The following HAPLN1 variants were observed in gnomAD, a reference collection of about 807,000 sequenced individuals.
The protein encoded by HAPLN1 is hyaluronan and proteoglycan link protein 1.
In HAPLN1, 13 loss-of-function variants were observed where a neutral mutation model predicts 36.5. The observed-to-expected ratio is 0.36, with a 90% CI of 0.23 to 0.57. HAPLN1 has a LOEUF of 0.57. Ranked by LOEUF, HAPLN1 falls within the 20% of genes least tolerant of loss-of-function variation. The pLI, the probability that HAPLN1 is intolerant of heterozygous loss-of-function variation, is 0.83. For synonymous variants in HAPLN1, 202 were observed against 169.8 expected, an observed-to-expected ratio of 1.19 and a Z score of -1.48; for missense variants, 407 against 439.7, an observed-to-expected ratio of 0.93 and a Z score of 0.66.
At chr5:83,681,492 CATTTT>C (rs1369012272) in intron 1 of HAPLN1, among the ~76,000 whole-genome samples, 1 of 151,952 alleles carries the variant, frequency 6.6e-6, no homozygotes, top group Non-Finnish European at 1.5e-5. Flanking sequence ...TTTTTTACAT[CATTTT>C]ATTTTAATTA....
At chr5:83,700,286 C>CT in intron 1 of HAPLN1, among the ~76,000 whole-genome samples, 1 of 151,460 alleles carries the variant, frequency 6.6e-6, no homozygotes, top group African/African-American at 2.4e-5. Context: ...AAAGACTTTT[C>CT]TTTTTAAAAG....
Position 83,652,542 on chromosome 5 carries a change from T to A in HAPLN1, c.383A>T (p.Asp128Val). 6.2e-7 allele frequency: 1 copy of A among 1,614,156 alleles called. No individual in the cohort carries two copies. Among genetic ancestry groups the A allele is most frequent in the Non-Finnish European group, 8.5e-7 (1 of 1,180,004 alleles). Residue 128 changes from aspartate (D) to valine (V), a missense_variant, in exon 3 of 5, where the codon GAC becomes GTC. Transcript: ENST00000274341. ...TCTCCCATAATCTTCCAGAGTGAGG[T>A]CTGTGATGACCAGAGAAGCATCACT... Reference protein sequence around the residue: ...SDSDASLVITDLTLEDYGRYK... With the variant: ...SDSDASLVITVLTLEDYGRYK...
At chr5:83,710,914 G>A (rs551938900) in intron 1 of HAPLN1, among the ~76,000 whole-genome samples, 1 of 152,098 alleles carries the variant, frequency 6.6e-6, no homozygotes, top group Admixed American at 6.5e-5. Flanking sequence ...TCACGCCATG[G>A]CACTCCAGCC....
Position 83,673,323 on chromosome 5 carries a change from C to T in HAPLN1, c.100+101G>A, listed in dbSNP as rs1750775483. ...ATTAGCAGAAAGGGAAAGAAAAAGT[C>T]AATGCAGCAGAACTAAAATTAAGAA... On this transcript the variant is annotated intron_variant, in intron 2 of 4. Transcript: ENST00000274341. 5 of 772,680 alleles carry T rather than the reference C, an allele frequency of 6.5e-6. No individual in the cohort carries two copies. In the East Asian group the frequency reaches 1.3e-4, roughly 21 times the overall value. 47.9% of individuals were successfully genotyped at this position (772,680 alleles called of 1,614,324 possible). A position where few individuals can be genotyped will look rare whatever the true frequency, so the allele number is the denominator to read the frequency against.
chr5:83,668,681 A>G (rs1237846593), intron 2 of HAPLN1, among the ~76,000 whole-genome samples: 1 of 152,250 alleles, frequency 6.6e-6, no homozygotes, highest in Admixed American at 6.5e-5. Context: ...CATTACCTTC[A>G]TCATTCATTT....
intron 1 of HAPLN1, among the ~76,000 whole-genome samples, chr5:83,702,253 C>A (rs1451498375): frequency 6.6e-6 from 1 of 152,060 alleles, no homozygotes; most frequent in Non-Finnish European, 1.5e-5. Flanking sequence ...TTGGCTTTTA[C>A]TTTGGCCTGC....
intron 2 of HAPLN1, among the ~76,000 whole-genome samples, chr5:83,672,417 A>T (rs1018128553): frequency 6.6e-6 from 1 of 152,210 alleles, no homozygotes. Flanking sequence ...TTCAACAGAG[A>T]AAAAAATAAA....
At chr5:83,684,210 C>G (rs1466971646) in intron 1 of HAPLN1, among the ~76,000 whole-genome samples, 1 of 152,170 alleles carries the variant, frequency 6.6e-6, no homozygotes, top group Non-Finnish European at 1.5e-5. Context: ...TCCAGCCTTA[C>G]ATATCTCAGG....
chr5:83,714,506 C>T (rs1751873654), intron 1 of HAPLN1, among the ~76,000 whole-genome samples: 2 of 151,936 alleles, frequency 1.3e-5, no homozygotes, highest in South Asian at 2.1e-4. Flanking sequence ...TCACTGTTTT[C>T]TTTTTTTTCA....
intron 3 of HAPLN1, among the ~76,000 whole-genome samples, chr5:83,648,754 GTAGA>G (rs1254070680): frequency 2.0e-5 from 3 of 151,948 alleles, no homozygotes; most frequent in Non-Finnish European, 4.4e-5. Context: ...TGCCTGATTG[GTAGA>G]TAGTCACATG....
chr5:83,717,559 G>A (rs1751941567), intron 1 of HAPLN1, among the ~76,000 whole-genome samples: 3 of 152,140 alleles, frequency 2.0e-5, no homozygotes, highest in Admixed American at 1.3e-4. Flanking sequence ...CCTGATCACT[G>A]TTGCAATTGT....
At chr5:83,711,420 G>C (rs188520146) in intron 1 of HAPLN1, among the ~76,000 whole-genome samples, 1 of 152,190 alleles carries the variant, frequency 6.6e-6, no homozygotes. Flanking sequence ...GACGGGGGCA[G>C]TTAGATTCAT....
At position 83,640,797 on chromosome 5, in the gene HAPLN1, G is replaced by A. The variant is rs1749661695; in HGVS notation, c.*699C>T. On this transcript the variant is annotated 3_prime_UTR_variant, in exon 5 of 5. Transcript: ENST00000274341. Reference sequence around the variant, plus strand: ...TAATTTTAATTATAAGAAGGTAGAAGTCTTTTTCATTGGTTAAATATTATC... The same window carrying A: ...TAATTTTAATTATAAGAAGGTAGAAATCTTTTTCATTGGTTAAATATTATC... 6.6e-6 allele frequency: 1 copy of A among 151,904 alleles called. No individual in the cohort carries two copies. The highest frequency in any genetic ancestry group is 2.1e-4 in the South Asian group (1 of 4,824). 9.4% of individuals were successfully genotyped at this position (151,904 alleles called of 1,614,324 possible).
chr5:83,671,320 C>G (rs1580138930), intron 2 of HAPLN1, among the ~76,000 whole-genome samples: 1 of 152,282 alleles, frequency 6.6e-6, no homozygotes, highest in African/African-American at 2.4e-5. Context: ...CCATCACTAA[C>G]AGAAGCTCAT....
At chr5:83,710,495 T>G (rs938812658) in intron 1 of HAPLN1, among the ~76,000 whole-genome samples, 8 of 151,436 alleles carry the variant, frequency 5.3e-5, no homozygotes, top group Non-Finnish European at 8.8e-5. Flanking sequence ...TTACAGTAAG[T>G]TGAGGAGAGG....
chr5:83,681,050 A>G (rs1750986899), intron 1 of HAPLN1, among the ~76,000 whole-genome samples: 1 of 152,184 alleles, frequency 6.6e-6, no homozygotes, highest in African/African-American at 2.4e-5. Context: ...CATTTTATAA[A>G]TTCACTCATT....
chr5:83,665,335 A>T (rs1221313878), intron 2 of HAPLN1, among the ~76,000 whole-genome samples: 2 of 152,232 alleles, frequency 1.3e-5, no homozygotes, highest in African/African-American at 4.8e-5. Context: ...GTATAAGGCT[A>T]CATTATACAT....
intron 1 of HAPLN1, among the ~76,000 whole-genome samples, chr5:83,678,333 G>A (rs891785816): frequency 1.3e-5 from 2 of 150,938 alleles, no homozygotes; most frequent in Non-Finnish European, 3.0e-5. Flanking sequence ...TAGGCAGATG[G>A]GTATTTTCCT....
Position 83,659,270 on chromosome 5 carries a change from T to G in HAPLN1, c.101-6446A>C, listed in dbSNP as rs1042113792. Among the ~76,000 whole-genome samples, 4 of 136,406 alleles carry G rather than the reference T, an allele frequency of 2.9e-5. No homozygotes were observed. In the Admixed American group the frequency reaches 3.0e-4, roughly 10 times the overall value. The allele number at this position is 136,406 out of a possible 152,430, so 89.5% of individuals were successfully genotyped here. A position where few individuals can be genotyped will look rare whatever the true frequency, so the allele number is the denominator to read the frequency against. ...GCCTGGGTGACAGAGCGAGACTTCA[T>G]CTTAAAAAAAAAAAAAATCTGGAAT... is the stretch of plus-strand genomic sequence containing the variant. On this transcript the variant is annotated intron_variant, in intron 2 of 4. Transcript: ENST00000274341.
Sources: allele counts gnomAD v4.1 joint callset (sites outside exome capture counted in the v4.1 genomes callset), GRCh38; gene constraint gnomAD v4.1.1; transcripts MANE v1.5; gene names NCBI Gene and HGNC (gene_info 2026-07-23, HGNC 2026-07-21).